The following PHACTR1 variants were observed in gnomAD, a reference collection of about 807,000 sequenced individuals.
PHACTR1 encodes phosphatase and actin regulator 1, also known as RPEL repeat containing 1.
Under a neutral mutation model 69.2 loss-of-function variants are expected in PHACTR1, and 16 were observed. That is an observed-to-expected ratio of 0.23 (90% CI 0.16 to 0.35). The LOEUF is 0.35. Among genes scored for constraint, PHACTR1 ranks in the 10% least tolerant of loss-of-function variants. The pLI, the probability that PHACTR1 is intolerant of heterozygous loss-of-function variation, is 1.00. For missense variants in PHACTR1, 510 were observed against 734.7 expected (o/e 0.69, Z 3.54); for synonymous variants, 312 against 284.5 (o/e 1.10, Z -0.97).
intron 4 of PHACTR1, among the ~76,000 whole-genome samples, chr6:12,757,945 C>T (rs1275891707): frequency 6.6e-6 from 1 of 152,110 alleles, no homozygotes; most frequent in Non-Finnish European, 1.5e-5. Context: ...AACCCCGTCT[C>T]TACTAAAATA....
chr6:13,200,065 A>G (rs1191553799), intron 7 of PHACTR1, among the ~76,000 whole-genome samples: 1 of 152,206 alleles, frequency 6.6e-6, no homozygotes, highest in East Asian at 1.9e-4. Context: ...ACCCCCCAGG[A>G]TGGACATTGG....
chr6:13,265,752 A>G (rs1207971884), intron 10 of PHACTR1, among the ~76,000 whole-genome samples: 1 of 152,124 alleles, frequency 6.6e-6, no homozygotes, highest in Non-Finnish European at 1.5e-5. Context: ...CTTCCATGAT[A>G]TGACATTTTA....
At chr6:12,811,030 G>C (rs1774955926) in intron 4 of PHACTR1, among the ~76,000 whole-genome samples, 1 of 152,136 alleles carries the variant, frequency 6.6e-6, no homozygotes, top group Non-Finnish European at 1.5e-5. Flanking sequence ...TGTAGATTCA[G>C]TGGGTGCTCT....
chr6:12,871,220 C>G (rs549290689), intron 4 of PHACTR1, among the ~76,000 whole-genome samples: 1 of 152,246 alleles, frequency 6.6e-6, no homozygotes, highest in East Asian at 1.9e-4. Context: ...GGTATTTGCT[C>G]ACCGCTATGT....
chr6:12,732,015 A>G (rs1035155053), intron 3 of PHACTR1, among the ~76,000 whole-genome samples: 3 of 151,452 alleles, frequency 2.0e-5, no homozygotes, highest in African/African-American at 7.3e-5. Flanking sequence ...TCAAAATGGA[A>G]TGATGGGGCC....
In PHACTR1 at chr6:12,807,604, A is replaced by G. The variant is rs61603464; in HGVS notation, c.250+57814A>G. Among the ~76,000 whole-genome samples the G allele has an allele frequency of 7.3e-4, 111 of 152,334 alleles. 2 individuals are homozygous for G. In the East Asian group the frequency reaches 0.021, roughly 29 times the overall value. ...AGACTGTTTTGTTTAGAACGGAAGC[A>G]TGTGAAATTCTTACAAAGAGCGGAT... On this transcript the variant is annotated intron_variant, in intron 4 of 14. Transcript: ENST00000332995.
intron 4 of PHACTR1, among the ~76,000 whole-genome samples, chr6:13,022,528 C>A (rs1299185040): frequency 1.3e-5 from 2 of 152,126 alleles, no homozygotes; most frequent in African/African-American, 2.4e-5. Context: ...TAAATACAGG[C>A]TTATTGGGAA....
At chr6:12,811,419 G>A (rs533512627) in intron 4 of PHACTR1, among the ~76,000 whole-genome samples, 8 of 152,260 alleles carry the variant, frequency 5.3e-5, no homozygotes, top group Non-Finnish European at 1.0e-4. Context: ...TAGTTAATTT[G>A]ACTTGTTGAA....
intron 4 of PHACTR1, among the ~76,000 whole-genome samples, chr6:12,989,645 G>C (rs2127603790): frequency 6.6e-6 from 1 of 152,308 alleles, no homozygotes; most frequent in South Asian, 2.1e-4. Context: ...ATTGAGAAGA[G>C]ACAAGTTAAG....
At chr6:12,845,034 G>GA (rs567068865) in intron 4 of PHACTR1, among the ~76,000 whole-genome samples, 2 of 151,968 alleles carry the variant, frequency 1.3e-5, no homozygotes, top group African/African-American at 4.8e-5. Context: ...AGATTTTGAA[G>GA]AAAAAAAATT....
At chr6:13,083,164 A>G (rs373998404) in intron 5 of PHACTR1, among the ~76,000 whole-genome samples, 4 of 152,056 alleles carry the variant, frequency 2.6e-5, no homozygotes, top group Admixed American at 1.3e-4. Context: ...TCTACATATG[A>G]CTAGCCAGTT....
chr6:13,241,554 C>T (rs1772842982), intron 10 of PHACTR1, among the ~76,000 whole-genome samples: 1 of 152,190 alleles, frequency 6.6e-6, no homozygotes, highest in Non-Finnish European at 1.5e-5. Flanking sequence ...CTCTTCACCA[C>T]TTACTAGCTG....
At chr6:12,746,377 T>C (rs190885323) in intron 3 of PHACTR1, among the ~76,000 whole-genome samples, 1 of 151,932 alleles carries the variant, frequency 6.6e-6, no homozygotes, top group Admixed American at 6.6e-5. Context: ...CTACAAAAAA[T>C]ATAAAAATTA....
intron 4 of PHACTR1, among the ~76,000 whole-genome samples, chr6:12,863,974 G>A (rs1413878512): frequency 6.6e-6 from 1 of 152,170 alleles, no homozygotes; most frequent in Non-Finnish European, 1.5e-5. Flanking sequence ...GGATACAGTT[G>A]TTCGAGTTTC....
At chr6:13,109,939 C>T (rs1816778826) in intron 5 of PHACTR1, among the ~76,000 whole-genome samples, 1 of 151,470 alleles carries the variant, frequency 6.6e-6, no homozygotes, top group East Asian at 1.9e-4. Context: ...ATTGTCTAAT[C>T]TGTTATTCTC....
chr6:12,812,797 C>T (rs1348327472), intron 4 of PHACTR1, among the ~76,000 whole-genome samples: 3 of 152,182 alleles, frequency 2.0e-5, no homozygotes, highest in Non-Finnish European at 4.4e-5. Context: ...AAAAGAGAGA[C>T]TTATTACAGA....
chr6:12,758,334 C>T (rs537247638), intron 4 of PHACTR1, among the ~76,000 whole-genome samples: 4 of 151,510 alleles, frequency 2.6e-5, no homozygotes, highest in East Asian at 1.9e-4. Flanking sequence ...CACAGCTACT[C>T]GGGAGGCTGA....
chr6:12,836,657 A>G (rs1778203903), intron 4 of PHACTR1, among the ~76,000 whole-genome samples: 2 of 152,338 alleles, frequency 1.3e-5, no homozygotes, highest in East Asian at 1.9e-4. Flanking sequence ...CACATTCAGC[A>G]TTAATTGCTA....
intron 4 of PHACTR1, among the ~76,000 whole-genome samples, chr6:13,017,838 T>G (rs915515423): frequency 6.6e-6 from 1 of 152,194 alleles, no homozygotes; most frequent in Admixed American, 6.5e-5. Flanking sequence ...AGTCTTATTT[T>G]GTAATGACAC....
Sources: gnomAD v4.1 joint callset for allele counts (sites outside exome capture counted in the v4.1 genomes callset) on GRCh38, gnomAD v4.1.1 for gene constraint, MANE v1.5 for transcripts, NCBI Gene and HGNC (gene_info 2026-07-23, HGNC 2026-07-21) for gene names.